MUC17: variants seen among roughly 807,000 people sequenced by gnomAD.
MUC17 encodes the protein mucin-17.
A neutral mutation model predicts 170.3 loss-of-function variants in MUC17; 190 were observed. That is an observed-to-expected ratio of 1.12 (90% CI 0.99 to 1.26). The LOEUF is 1.26. Ranked by LOEUF, MUC17 falls within the 50% of genes most tolerant of loss-of-function variation. The pLI, the probability that MUC17 is intolerant of heterozygous loss-of-function variation, is 0.00. For missense variants in MUC17, 6,415 were observed against 5,530.0 expected, an observed-to-expected ratio of 1.16 and a Z score of -5.08; for synonymous variants, 2,325 against 2,002.5, an observed-to-expected ratio of 1.16 and a Z score of -4.30.
intron 11 of MUC17, among the ~76,000 whole-genome samples, chr7:101,055,291 G>A (rs536839929): frequency 6.6e-6 from 1 of 151,764 alleles, no homozygotes; most frequent in South Asian, 2.1e-4. Context: ...TCGGTGGGAG[G>A]TACATGTTAA....
intron 3 of MUC17, among the ~76,000 whole-genome samples, chr7:101,047,433 G>A (rs888477724): frequency 1.3e-5 from 2 of 152,152 alleles, no homozygotes; most frequent in African/African-American, 4.8e-5. Context: ...CGGACCCATC[G>A]GGACGTGGCT....
At chr7:101,049,650 G>T (rs1204670949) in intron 6 of MUC17, among the ~76,000 whole-genome samples, 2 of 152,050 alleles carry the variant, frequency 1.3e-5, no homozygotes, top group Admixed American at 6.6e-5. Flanking sequence ...TCTTTGCATG[G>T]TCTTTCCTCT....
chr7:101,042,882 C>A lies in MUC17; in HGVS notation c.11466C>A (p.Ser3822Arg). Reference sequence around the variant, plus strand: ...CTTTATTGACAACTGTCCTCATCAGCCCTATATCTGTGATGAGTCCTTCTG... The same window carrying A: ...CTTTATTGACAACTGTCCTCATCAGACCTATATCTGTGATGAGTCCTTCTG... Reference protein sequence around the residue: ...RSTLLTTVLISPISVMSPSEA... With the variant: ...RSTLLTTVLIRPISVMSPSEA... Residue 3822 changes from serine to arginine, a missense_variant, in exon 3 of 13, where the codon AGC (serine) becomes AGA (arginine). Coordinates refer to ENST00000306151, the MANE Select transcript of MUC17 (RefSeq NM_001040105.2). 1 of 1,614,104 alleles carries A rather than the reference C, an allele frequency of 6.2e-7. No homozygotes were observed. Among genetic ancestry groups the A allele is most frequent in the Non-Finnish European group, 8.5e-7 (1 of 1,180,014 alleles).
In MUC17 at chr7:101,020,100, G is replaced by A. The variant is rs1169019920; in HGVS notation, c.-36G>A. 1.9e-6 allele frequency: 3 copies of A among 1,553,686 alleles called. No homozygotes were observed. The highest frequency in any genetic ancestry group is 2.8e-5 in the African/African-American group (2 of 72,580). On this transcript the variant is annotated 5_prime_UTR_variant, in exon 1 of 13. Transcript: ENST00000306151. ...GAGGCTCATTTCGCCAGCTCCTCTG[G>A]GGGTGACAGGCAAGTGAGACGTGCT...
chr7:101,047,555 C>T lies in MUC17; in HGVS notation c.12404-429C>T, dbSNP rs143207815. Among the ~76,000 whole-genome samples the T allele has an allele frequency of 4.5e-3, 683 of 152,260 alleles. 7 individuals carry two copies. The highest frequency in any genetic ancestry group is 0.016 in the African/African-American group (655 of 41,536). On this transcript the variant is annotated intron_variant, in intron 3 of 12. Transcript: ENST00000306151. Reference sequence around the variant, plus strand: ...CATATTAGGCAGTGTCGGAGCCGGGCGCAGTGGCTCACACTTGTAATCCCA... The same window carrying T: ...CATATTAGGCAGTGTCGGAGCCGGGTGCAGTGGCTCACACTTGTAATCCCA...
In MUC17 at chr7:101,042,784, G is replaced by A. The variant is rs1326316405; in HGVS notation, c.11368G>A (p.Glu3790Lys). The A allele has an allele frequency of 2.5e-6, 4 of 1,613,966 alleles. No individual in the cohort carries two copies. The highest frequency in any genetic ancestry group is 3.4e-6 in the Non-Finnish European group (4 of 1,180,032). Residue 3790 changes from glutamate (E) to lysine (K), a missense_variant, in exon 3 of 13, where the codon GAA becomes AAA. By Grantham distance (56) the Glu-to-Lys change is moderately conservative (BLOSUM62 1). Transcript: ENST00000306151. Reference sequence around the variant, plus strand: ...CAGCATGTCTATGACCACTGCCTCTGAAGGCAGTTCATCTCCTACAACTCT... The same window carrying A: ...CAGCATGTCTATGACCACTGCCTCTAAAGGCAGTTCATCTCCTACAACTCT... Reference protein sequence around the residue: ...YTSMSMTTASEGSSSPTTLEG... With the variant: ...YTSMSMTTASKGSSSPTTLEG...
Position 101,038,302 on chromosome 7 carries a change from G to A in MUC17, c.6886G>A (p.Val2296Ile), listed in dbSNP as rs778182129. ...VSHTLVANSEVSTLSTTPVDS... is the reference protein window; with the variant it reads ...VSHTLVANSEISTLSTTPVDS... ...CCACACGCTGGTGGCCAATTCTGAGGTTAGCACCCTTTCAACAACTCCTGT... is the reference window on the plus strand; with the variant it reads ...CCACACGCTGGTGGCCAATTCTGAGATTAGCACCCTTTCAACAACTCCTGT... The change falls in exon 3 of 13, where the codon GTT becomes ATT. Residue 2296 changes from valine (V) to isoleucine (I), a missense_variant. Val to Ile is a conservative substitution (Grantham distance 29). Coordinates refer to ENST00000306151, the MANE Select transcript of MUC17 (RefSeq NM_001040105.2). 1.2e-6 allele frequency: 2 copies of A among 1,612,896 alleles called. No homozygotes were observed. The highest frequency in any genetic ancestry group is 1.7e-6 in the Non-Finnish European group (2 of 1,179,608).
Position 101,039,330 on chromosome 7 carries a change from A to G in MUC17, c.7914A>G (p.Ile2638Met), listed in dbSNP as rs1282635602. The G allele has an allele frequency of 2.5e-6, 4 of 1,606,370 alleles. No individual in the cohort carries two copies. In the South Asian group the frequency reaches 3.3e-5, roughly 13 times the overall value. ...AAGTAAGTACTTCATTAACAAGTATACTTGTCAGCACCATGCCAGTGGCCA... is the reference window on the plus strand; with the variant it reads ...AAGTAAGTACTTCATTAACAAGTATGCTTGTCAGCACCATGCCAGTGGCCA... ...PSEVSTSLTS[I>M]LVSTMPVASS... The change falls in exon 3 of 13, where the codon ATA (isoleucine) becomes ATG (methionine). Residue 2638 changes from isoleucine (I) to methionine (M), a missense_variant. Coordinates refer to ENST00000306151, the MANE Select transcript of MUC17 (RefSeq NM_001040105.2).
rs78263695 is a variant in MUC17 at position 101,034,612 on chromosome 7, C to G, written c.3196C>G (p.Pro1066Ala). ...SSETSTLSTT[P>A]ADTSTPVTTY... ...TGAAACGAGCACACTTTCAACAACT[C>G]CTGCTGACACCAGCACACCTGTGAC... Residue 1066 changes from proline to alanine, a missense_variant, in exon 3 of 13, where the codon CCT becomes GCT. Pro to Ala is a conservative substitution (Grantham distance 27). Coordinates refer to ENST00000306151, the MANE Select transcript of MUC17 (RefSeq NM_001040105.2). 155 of 1,612,894 alleles carry G rather than the reference C, an allele frequency of 9.6e-5. No homozygotes were observed. In the Middle Eastern group the frequency reaches 1.3e-3, roughly 14 times the overall value.
rs1349186332 is a variant in MUC17, at chr7:101,041,378, C to G, written c.9962C>G (p.Ser3321Cys). 2.5e-6 allele frequency: 4 copies of G among 1,613,500 alleles called. No homozygotes were observed. Among genetic ancestry groups the G allele is most frequent in the Admixed American group, 3.3e-5 (2 of 59,994 alleles). Residue 3321 changes from serine (S) to cysteine (C), a missense_variant, in exon 3 of 13, where the codon TCT becomes TGT. Transcript: ENST00000306151. ...PVTTYSQASS[S>C]PPIADGTSMP... ...ACCACTTATTCTCAAGCCAGTTCAT[C>G]TCCTCCAATTGCTGACGGTACTAGC...
In MUC17 at chr7:101,039,640, C is replaced by T. The variant is rs148241944; in HGVS notation, c.8224C>T (p.Arg2742Ter). The change falls in exon 3 of 13, where the codon CGA becomes TGA. Residue 2742 changes from arginine to a stop codon, truncating the protein, a stop_gained. Transcript: ENST00000306151. LOFTEE classifies it high-confidence loss of function. ...SPTTAEGTSM[R>*]ISTPSDGSTP... ...TACAACTGCTGAAGGTACCAGCATG[C>T]GAATCTCAACTCCTAGTGATGGAAG... 5.8e-5 allele frequency: 94 copies of T among 1,612,436 alleles called. 1 individual carries two copies. The Admixed American group carries it at 7.5e-4, about 13-fold the overall frequency.
chr7:101,053,880 CA>C (rs1161408296), intron 11 of MUC17, among the ~76,000 whole-genome samples: 337 of 109,010 alleles, frequency 3.1e-3, no homozygotes, highest in African/African-American at 0.011. Flanking sequence ...AACTCCGTCT[CA>C]AAAAAAAAAA....
At chr7:101,056,307 A>G (rs1481175514) in intron 12 of MUC17, 37 bp downstream of exon 12, 3 of 1,610,160 alleles carry the variant, frequency 1.9e-6, no homozygotes, top group Non-Finnish European at 2.5e-6. Flanking sequence ...GCCTCCCCCA[A>G]CCCTGCGACT....
At chr7:101,020,253 C>T in intron 1 of MUC17, 36 bp downstream of exon 1, 2 of 1,567,366 alleles carry the variant, frequency 1.3e-6, no homozygotes, top group Non-Finnish European at 1.7e-6. Flanking sequence ...CCAAGAGGCC[C>T]CCATCCCAGG....
In MUC17 at chr7:101,032,191, A is replaced by G; in HGVS notation, c.775A>G (p.Thr259Ala). ...ISAQASSSPT[T>A]AEGPSLSNSA... is the part of the protein sequence containing the mutation. ...TGCTCAAGCCAGTTCATCTCCTACA[A>G]CTGCTGAAGGTCCCAGCCTGTCAAA... The change falls in exon 3 of 13, where the codon ACT becomes GCT. Residue 259 changes from threonine to alanine, a missense_variant. Thr to Ala is a moderately conservative substitution (Grantham distance 58, BLOSUM62 0). Transcript: ENST00000306151. The G allele has an allele frequency of 6.2e-7, 1 of 1,614,134 alleles. No homozygotes were observed. Among genetic ancestry groups the G allele is most frequent in the East Asian group, 2.2e-5 (1 of 44,880 alleles).
At chr7:101,049,441 T>C in intron 6 of MUC17, 59 bp downstream of exon 6, 2 of 1,571,874 alleles carry the variant, frequency 1.3e-6, no homozygotes, top group South Asian at 2.4e-5. Flanking sequence ...GTCATAGTTA[T>C]AAAGGCAATT....
chr7:101,031,621 A>C lies in MUC17; in HGVS notation c.205A>C (p.Thr69Pro). Reference sequence around the variant, plus strand: ...AACAGGTTCTGCGGCAAACACCGCCACAGGTACAACATCTACAAATGTCGT... The same window carrying C: ...AACAGGTTCTGCGGCAAACACCGCCCCAGGTACAACATCTACAAATGTCGT... ...VRTGSAANTATGTTSTNVVEP... is the reference protein window; with the variant it reads ...VRTGSAANTAPGTTSTNVVEP... The change falls in exon 3 of 13, where the codon ACA (threonine) becomes CCA (proline). Residue 69 changes from threonine (T) to proline (P), a missense_variant. Thr to Pro is a conservative substitution (Grantham distance 38, BLOSUM62 -1). Transcript: ENST00000306151. 1 of 1,536,920 alleles carries C rather than the reference A, an allele frequency of 6.5e-7. No individual in the cohort carries two copies. The highest frequency in any genetic ancestry group is 1.3e-5 in the South Asian group (1 of 77,294).
Position 101,031,827 on chromosome 7 carries a change from AT to A in MUC17, c.412del (p.Ser138LeufsTer41). Reference protein sequence around the residue: ...LFPSSTEDTSSPTTPEGTDVP... With the variant: ...LFPSSTEDTSXPTTPEGTDVP... ...TCCCCAGTTCTACTGAAGACACTTC[AT>A]CTCCTACAACTCCTGAAGGCACCGA... On this transcript the variant is annotated frameshift_variant, in exon 3 of 13. Coordinates refer to ENST00000306151, the MANE Select transcript of MUC17 (RefSeq NM_001040105.2). LOFTEE classifies it high-confidence loss of function. The A allele has an allele frequency of 6.2e-7, 1 of 1,613,858 alleles. No homozygotes were observed. Among genetic ancestry groups the A allele is most frequent in the Non-Finnish European group, 8.5e-7 (1 of 1,179,684 alleles).
At chr7:101,027,368 G>T (rs1332065910) in intron 1 of MUC17, among the ~76,000 whole-genome samples, 3 of 151,934 alleles carry the variant, frequency 2.0e-5, no homozygotes, top group Admixed American at 1.3e-4. Context: ...CTGGTCTCAA[G>T]TGATCCACCG....
Sources: gnomAD v4.1 joint callset for allele counts (sites outside exome capture counted in the v4.1 genomes callset) on GRCh38, gnomAD v4.1.1 for gene constraint, MANE v1.5 for transcripts, NCBI Gene and HGNC (gene_info 2026-07-23, HGNC 2026-07-21) for gene names.